Variants in VPS13B observed in about 807,000 individuals in gnomAD.
The protein encoded by VPS13B is intermembrane lipid transfer protein VPS13B.
VPS13B carries 285 observed loss-of-function variants against 426.4 expected under a neutral mutation model. That is an observed-to-expected ratio of 0.67 (90% CI 0.61 to 0.74). The LOEUF (loss-of-function observed/expected upper bound fraction) is 0.74, where lower values mean the gene tolerates loss of function less well. Among genes scored for constraint, VPS13B ranks in the 30% least tolerant of loss-of-function variants. The pLI, the probability that VPS13B is intolerant of heterozygous loss-of-function variation, is 0.00. For synonymous variants in VPS13B, 1,676 were observed against 1,676.4 expected, an observed-to-expected ratio of 1.00 and a Z score of 0.01; for missense variants, 4,537 against 4,782.6, an observed-to-expected ratio of 0.95 and a Z score of 1.51.
intron 19 of VPS13B, among the ~76,000 whole-genome samples, chr8:99,294,875 A>T (rs1209118955): frequency 6.6e-6 from 1 of 152,214 alleles, no homozygotes; most frequent in East Asian, 1.9e-4. Flanking sequence ...TTGGTGTATT[A>T]TGACAGTATT....
chr8:99,055,044 G>GTTTTTTTTTTTT (rs397779213), intron 3 of VPS13B, among the ~76,000 whole-genome samples: 1 of 141,880 alleles, frequency 7.0e-6, no homozygotes. Flanking sequence ...TTTTTTTTTT[G>GTTTTTTTTTTTT]TTTTTTTTTT....
In VPS13B at chr8:99,511,045, A is replaced by AT. The variant is rs200496070; in HGVS notation, c.4225-54dup. 1.9e-6 allele frequency: 3 copies of AT among 1,594,264 alleles called. No homozygotes were observed. The African/African-American group carries it at 4.0e-5, about 21-fold the overall frequency. On this transcript the variant is annotated intron_variant, in intron 28 of 61. Coordinates refer to ENST00000357162, the MANE Select transcript of VPS13B (RefSeq NM_152564.5). Reference sequence around the variant, plus strand: ...CACTGAGGTCATTTTCTTCTTTCCAATTTTTAAAAAAAATCTTTTTAATGA... The same window carrying AT: ...CACTGAGGTCATTTTCTTCTTTCCAATTTTTTAAAAAAAATCTTTTTAATGA...
At chr8:99,315,015 A>G (rs538933217) in intron 19 of VPS13B, among the ~76,000 whole-genome samples, 1 of 152,072 alleles carries the variant, frequency 6.6e-6, no homozygotes, top group Non-Finnish European at 1.5e-5. Flanking sequence ...TACAGGTGAG[A>G]TGAGTTTCTT....
rs1292663575 is a variant in VPS13B, at chr8:99,716,973, G to C, written c.6455-198G>C. On this transcript the variant is annotated intron_variant, in intron 36 of 61. Coordinates refer to ENST00000357162, the MANE Select transcript of VPS13B (RefSeq NM_152564.5). ...ATAATGTTTTGGCAAATATTACTTT[G>C]TTAGGAATGTGAATGAGGTATACCT... Among the ~76,000 whole-genome samples, 4 of 152,108 alleles carry C rather than the reference G, an allele frequency of 2.6e-5. No individual in the cohort carries two copies. The East Asian group carries it at 7.7e-4, about 29-fold the overall frequency.
At chr8:99,498,449 G>A (rs1253889173) in intron 25 of VPS13B, among the ~76,000 whole-genome samples, 2 of 151,404 alleles carry the variant, frequency 1.3e-5, no homozygotes, top group African/African-American at 4.9e-5. Context: ...GTTAATGGGT[G>A]CAGCACACCA....
Position 99,143,011 on chromosome 8 carries a change from T to A in VPS13B, c.1689T>A (p.Ser563Arg). The part of the protein sequence containing the change: ...TNQQDFSSGK[S>R]EDLGTVQEKS... ...AACAAGACTTTTCTTCAGGGAAAAG[T>A]GAAGATTTGGGAACAGTTCAGGAGA... The change falls in exon 13 of 62, where the codon AGT becomes AGA. Residue 563 changes from serine to arginine, a missense_variant. By Grantham distance (110) the Ser-to-Arg change is moderately radical. Around this residue, in one of 2 missense-constraint regions of VPS13B, gnomAD observed 4,311 missense variants for 4,474.3 expected, o/e 0.96. Coordinates refer to ENST00000357162, the MANE Select transcript of VPS13B (RefSeq NM_152564.5). 6.2e-7 allele frequency: 1 copy of A among 1,613,460 alleles called. No individual in the cohort carries two copies. The highest frequency in any genetic ancestry group is 1.1e-5 in the South Asian group (1 of 90,770).
At chr8:99,695,724 GAA>G (rs535503546) in intron 35 of VPS13B, among the ~76,000 whole-genome samples, 1 of 129,272 alleles carries the variant, frequency 7.7e-6, no homozygotes, top group Admixed American at 7.7e-5. Context: ...TCCATACCAA[GAA>G]AAAAAAAAAA....
At chr8:99,198,648 C>T (rs531280832) in intron 17 of VPS13B, among the ~76,000 whole-genome samples, 1 of 151,952 alleles carries the variant, frequency 6.6e-6, no homozygotes, top group South Asian at 2.1e-4. Context: ...ATTTAGAAAC[C>T]TAAAATTAGT....
At chr8:99,240,477 A>G (rs1816864589) in intron 17 of VPS13B, among the ~76,000 whole-genome samples, 1 of 152,204 alleles carries the variant, frequency 6.6e-6, no homozygotes, top group Non-Finnish European at 1.5e-5. Context: ...TGGCAAGTTC[A>G]TCTAAAGTAC....
intron 17 of VPS13B, among the ~76,000 whole-genome samples, chr8:99,204,629 T>C (rs1162684083): frequency 6.6e-6 from 1 of 152,060 alleles, no homozygotes; most frequent in Non-Finnish European, 1.5e-5. Context: ...GGTCTAATAT[T>C]CAGAATCTAC....
At chr8:99,421,754 T>C (rs1473136598) in intron 21 of VPS13B, among the ~76,000 whole-genome samples, 1 of 152,096 alleles carries the variant, frequency 6.6e-6, no homozygotes, top group Non-Finnish European at 1.5e-5. Flanking sequence ...CTCAGCTTAC[T>C]GCAACCTCCA....
chr8:99,722,149 T>A (rs1453715059), intron 39 of VPS13B, among the ~76,000 whole-genome samples: 1 of 152,196 alleles, frequency 6.6e-6, no homozygotes, highest in East Asian at 1.9e-4. Flanking sequence ...GGCCTCCTTT[T>A]TCTCCTTGAG....
chr8:99,559,681 TGTTTTTGTCAG>T (rs1824790835), intron 31 of VPS13B, among the ~76,000 whole-genome samples: 1 of 152,224 alleles, frequency 6.6e-6, no homozygotes, highest in African/African-American at 2.4e-5. Context: ...CCCCATTGCT[TGTTTTTGTCAG>T]GTTTGTCAAA....
At chr8:99,723,543 A>G (rs1039238310) in intron 39 of VPS13B, among the ~76,000 whole-genome samples, 113 of 152,222 alleles carry the variant, frequency 7.4e-4, no homozygotes, top group African/African-American at 2.6e-3. Context: ...GGGATACTCA[A>G]CAGATATTAT....
At chr8:99,211,127 C>T (rs1815067855) in intron 17 of VPS13B, among the ~76,000 whole-genome samples, 1 of 152,010 alleles carries the variant, frequency 6.6e-6, no homozygotes, top group Non-Finnish European at 1.5e-5. Flanking sequence ...AAGATGAAGC[C>T]GTCCCTAAAT....
chr8:99,600,334 C>T (rs1827226270), intron 33 of VPS13B, among the ~76,000 whole-genome samples: 2 of 152,096 alleles, frequency 1.3e-5, no homozygotes, highest in South Asian at 2.1e-4. Context: ...TGGGCAGGCA[C>T]ACTCTCTCAC....
At position 99,556,654 on chromosome 8, in the gene VPS13B, G is replaced by A; in HGVS notation, c.4949+1G>A. Reference sequence around the variant, plus strand: ...CCCTTGAGTGGAATATGGCCAGCAGGTAGGAAATGATTGAGAAACTTTCTA... The same window carrying A: ...CCCTTGAGTGGAATATGGCCAGCAGATAGGAAATGATTGAGAAACTTTCTA... On this transcript the variant is annotated splice_donor_variant, in intron 31 of 61. Coordinates refer to ENST00000357162, the MANE Select transcript of VPS13B (RefSeq NM_152564.5). LOFTEE classifies it high-confidence loss of function. 4 of 1,612,564 alleles carry A rather than the reference G, an allele frequency of 2.5e-6. No individual in the cohort carries two copies. The South Asian group carries it at 4.4e-5, about 18-fold the overall frequency.
At chr8:99,082,117 G>A (rs1399806897) in intron 3 of VPS13B, among the ~76,000 whole-genome samples, 2 of 152,154 alleles carry the variant, frequency 1.3e-5, no homozygotes, top group Non-Finnish European at 2.9e-5. Flanking sequence ...ATCCTCTCCA[G>A]CACCTGTTGT....
rs187593716 is a variant in VPS13B at position 99,646,653 on chromosome 8, A to C, written c.5908+4155A>C. The stretch of plus-strand genomic sequence containing the variant: ...TATCCCCTCCAAATCTCATCTTGAA[A>C]TGTGACTCTCAGTGTTGAAGGTAAG... On this transcript the variant is annotated intron_variant, in intron 34 of 61. Transcript: ENST00000357162. Among the ~76,000 whole-genome samples, 5 of 152,328 alleles carry C rather than the reference A, an allele frequency of 3.3e-5. No homozygotes were observed. In the East Asian group the frequency reaches 9.6e-4, roughly 29 times the overall value.
Sources: gnomAD v4.1 joint callset for allele counts (sites outside exome capture counted in the v4.1 genomes callset) on GRCh38, gnomAD v4.1.1 for gene constraint, gnomAD v4.1.1 regional missense constraint, MANE v1.5 for transcripts, NCBI Gene and HGNC (gene_info 2026-07-23, HGNC 2026-07-21) for gene names.